Variants in SBF2 observed in about 807,000 individuals in gnomAD.
SBF2 encodes the protein SET binding factor 2.
A neutral mutation model predicts 225.2 loss-of-function variants in SBF2; 112 were observed. The observed-to-expected ratio is 0.50, with a 90% CI of 0.43 to 0.58. The LOEUF is 0.58. Ranked by LOEUF, SBF2 falls within the 20% of genes least tolerant of loss-of-function variation. The pLI is 0.00. For missense variants in SBF2, 1,996 were observed against 2,206.2 expected, an observed-to-expected ratio of 0.90 and a Z score of 1.91; for synonymous variants, 763 against 773.3, an observed-to-expected ratio of 0.99 and a Z score of 0.22.
At chr11:9,819,214 C>A (rs551509871) in intron 28 of SBF2, 1 of 152,260 alleles carries the variant, frequency 6.6e-6, no homozygotes, top group South Asian at 2.1e-4. Flanking sequence ...TATATCAGGA[C>A]ACATAATACA....
chr11:10,275,621 T>TAA (rs1565426132), intron 1 of SBF2, among the ~76,000 whole-genome samples: 1 of 149,514 alleles, frequency 6.7e-6, no homozygotes, highest in Non-Finnish European at 1.5e-5. Context: ...TTTCATTAAT[T>TAA]TAAAAAAAAA....
At chr11:10,265,885 A>ATG (rs1414859824) in intron 1 of SBF2, among the ~76,000 whole-genome samples, 7 of 150,694 alleles carry the variant, frequency 4.6e-5, no homozygotes, top group South Asian at 2.1e-4. Flanking sequence ...GCGCGCGCGC[A>ATG]TGTGTGTGTG....
Position 9,816,980 on chromosome 11 carries a change from G to A in SBF2, c.3838C>T (p.Pro1280Ser), listed in dbSNP as rs770101048. 5 of 1,614,186 alleles carry A rather than the reference G, an allele frequency of 3.1e-6. No homozygotes were observed. Among genetic ancestry groups the A allele is most frequent in the African/African-American group, 2.7e-5 (2 of 75,044 alleles). ...LRSSTRLISS[P>S]TSFIDVGARL... The stretch of plus-strand genomic sequence containing the variant: ...GCGCCAACATCAATGAAGGATGTTG[G>A]AGAGCTGATCAAGCGAGTGCTAGAG... Residue 1280 changes from proline to serine, a missense_variant, in exon 29 of 40, where the codon CCA becomes TCA. Pro to Ser is a moderately conservative substitution (Grantham distance 74). Coordinates refer to ENST00000256190, the MANE Select transcript of SBF2 (RefSeq NM_030962.4).
At chr11:9,909,582 A>AG (rs2134180860) in intron 16 of SBF2, among the ~76,000 whole-genome samples, 1 of 151,702 alleles carries the variant, frequency 6.6e-6, no homozygotes, top group South Asian at 2.1e-4. Context: ...AGGCAGGAGA[A>AG]TGGCATGAAC....
intron 17 of SBF2, among the ~76,000 whole-genome samples, chr11:9,866,368 A>G (rs575490523): frequency 2.0e-5 from 3 of 152,340 alleles, no homozygotes; most frequent in South Asian, 2.1e-4. Flanking sequence ...TGGTACTGCC[A>G]TAAAAACAGA....
chr11:10,130,844 T>TCTGTC (rs1426173958), intron 2 of SBF2, among the ~76,000 whole-genome samples: 1 of 152,152 alleles, frequency 6.6e-6, no homozygotes, highest in African/African-American at 2.4e-5. Context: ...CTGACTGAGA[T>TCTGTC]CTGTCCAAAT....
intron 32 of SBF2, among the ~76,000 whole-genome samples, chr11:9,799,520 T>C (rs377692251): frequency 1.3e-5 from 2 of 152,252 alleles, no homozygotes; most frequent in African/African-American, 2.4e-5. Flanking sequence ...ATTTGTTTTT[T>C]ACTCTTCAGC....
At chr11:10,033,970 T>C (rs867295404) in intron 3 of SBF2, among the ~76,000 whole-genome samples, 5 of 152,212 alleles carry the variant, frequency 3.3e-5, no homozygotes, top group Admixed American at 1.3e-4. Flanking sequence ...GATATTCTAA[T>C]AATGCTAAAT....
chr11:10,258,099 CACACACACACT>C (rs1565408701), intron 1 of SBF2, among the ~76,000 whole-genome samples: 1 of 150,300 alleles, frequency 6.7e-6, no homozygotes, highest in African/African-American at 2.4e-5. Flanking sequence ...CACACACACA[CACACACACACT>C]TTTTTTTTTT....
chr11:9,992,434 G>A lies in SBF2; in HGVS notation c.1277C>T (p.Ser426Phe). The A allele has an allele frequency of 6.2e-7, 1 of 1,612,554 alleles. No homozygotes were observed. The highest frequency in any genetic ancestry group is 1.1e-5 in the South Asian group (1 of 90,972). The change falls in exon 12 of 40, where the codon TCT becomes TTT. Residue 426 changes from serine (S) to phenylalanine (F), a missense_variant. Transcript: ENST00000256190. ...CTATACCTCATCAAAGAGATCACAA[G>A]ATCTATAAGGAGGACCTCTTTCTGA... is the stretch of plus-strand genomic sequence containing the variant. ...FVSERGPPYR[S>F]CDLFDELVAF...
At chr11:10,244,343 C>A (rs1409144894) in intron 1 of SBF2, among the ~76,000 whole-genome samples, 6 of 152,066 alleles carry the variant, frequency 3.9e-5, no homozygotes, top group African/African-American at 1.4e-4. Flanking sequence ...TATGGATATC[C>A]AGTTTTCACA....
At chr11:9,852,495 A>G (rs370578552) in intron 21 of SBF2, among the ~76,000 whole-genome samples, 181 bp downstream of exon 21, 1 of 152,102 alleles carries the variant, frequency 6.6e-6, no homozygotes, top group African/African-American at 2.4e-5. Context: ...TTCTGTTCCT[A>G]TTTCAGTATC....
chr11:10,029,716 G>C (rs1949183383), intron 5 of SBF2, 49 bp downstream of exon 5: 1 of 1,113,108 alleles, frequency 9.0e-7, no homozygotes, highest in Non-Finnish European at 1.4e-6. Context: ...AACTGGAGGA[G>C]AGGGGAAGAG....
At chr11:10,059,025 G>A (rs61878580) in intron 2 of SBF2, among the ~76,000 whole-genome samples, 25,763 of 152,004 alleles carry the variant, frequency 0.17, 2,392 homozygotes, top group East Asian at 0.28. Flanking sequence ...AATATAGAAA[G>A]GAAAGACTTC....
At position 10,100,516 on chromosome 11, in the gene SBF2, G is replaced by A. The variant is rs186198986; in HGVS notation, c.142-57535C>T. 2.0e-5 allele frequency among the ~76,000 whole-genome samples: 3 copies of A among 152,370 alleles called. No homozygotes were observed. The East Asian group carries it at 5.8e-4, about 29-fold the overall frequency. On this transcript the variant is annotated intron_variant, in intron 2 of 39. Transcript: ENST00000256190. ...TGAATTTAACTGCAATAGAGAAACA[G>A]TCCTGGGGAGACGTCCCATAACTGT...
intron 2 of SBF2, among the ~76,000 whole-genome samples, chr11:10,109,187 G>GTGTA (rs143518066): frequency 5.5e-4 from 82 of 150,084 alleles, no homozygotes; most frequent in African/African-American, 1.8e-3. Context: ...AGGTATGTGT[G>GTGTA]TATATATATA....
chr11:10,136,231 C>T (rs1206118547), intron 2 of SBF2, among the ~76,000 whole-genome samples: 1 of 152,148 alleles, frequency 6.6e-6, no homozygotes, highest in Non-Finnish European at 1.5e-5. Context: ...TCCCCCCCAA[C>T]AACACATGGG....
intron 2 of SBF2, among the ~76,000 whole-genome samples, chr11:10,052,949 GAAAT>G (rs1950113207): frequency 6.6e-6 from 1 of 152,098 alleles, no homozygotes; most frequent in Non-Finnish European, 1.5e-5. Context: ...AAATGAAAGT[GAAAT>G]AAATTTTGTA....
chr11:10,262,538 T>C (rs1201035579), intron 1 of SBF2, among the ~76,000 whole-genome samples: 1 of 152,178 alleles, frequency 6.6e-6, no homozygotes, highest in East Asian at 1.9e-4. Context: ...CCTTATAAAA[T>C]AGACTATAAG....
Sources: allele counts gnomAD v4.1 joint callset (sites outside exome capture counted in the v4.1 genomes callset), GRCh38; gene constraint gnomAD v4.1.1; transcripts MANE v1.5; gene names NCBI Gene and HGNC (gene_info 2026-07-23, HGNC 2026-07-21).